Variants in ZYG11B observed in about 807,000 individuals in gnomAD.
ZYG11B encodes the protein zyg-11 family member B, cell cycle regulator.
ZYG11B carries 36 observed loss-of-function variants against 82.4 expected under a neutral mutation model. The ratio of observed to expected loss-of-function variants is 0.44; its 90% confidence interval spans 0.33 to 0.58. ZYG11B has a LOEUF of 0.58. Among genes scored for constraint, ZYG11B ranks in the 20% least tolerant of loss-of-function variants. The pLI is 0.02. For missense variants in ZYG11B, 552 were observed against 895.6 expected (o/e 0.62, Z 4.90); for synonymous variants, 303 against 312.8 (o/e 0.97, Z 0.33).
chr1:52,803,211 C>CAT lies in ZYG11B; in HGVS notation c.1695+1084_1695+1085dup, dbSNP rs1165360758. On this transcript the variant is annotated intron_variant, in intron 10 of 13. Transcript: ENST00000294353. ...ATACACATATATATATATACACACA[C>CAT]ATATATATATATACACACATATATA... Among the ~76,000 whole-genome samples the CAT allele has an allele frequency of 2.6e-4, 19 of 73,232 alleles. 1 individual carries two copies. The highest frequency in any genetic ancestry group is 5.9e-3 in the Middle Eastern group (1 of 170). 48.0% of individuals were successfully genotyped at this position (73,232 alleles called of 152,430 possible).
chr1:52,782,154 C>T (rs907651788), intron 4 of ZYG11B, among the ~76,000 whole-genome samples: 1 of 151,102 alleles, frequency 6.6e-6, no homozygotes, highest in African/African-American at 2.4e-5. Context: ...CAGCCTCGAC[C>T]TCCCTCCTGG....
chr1:52,771,811 C>T lies in ZYG11B; in HGVS notation c.951+37C>T, dbSNP rs780221412. 4 of 1,569,988 alleles carry T rather than the reference C, an allele frequency of 2.5e-6. No homozygotes were observed. In the Admixed American group the frequency reaches 5.6e-5, roughly 22 times the overall value. Reference sequence around the variant, plus strand: ...AAAATGTATTATTTTGTCAGGCTGACCAATATCTTAGTTGCATAAGACTCT... The same window carrying T: ...AAAATGTATTATTTTGTCAGGCTGATCAATATCTTAGTTGCATAAGACTCT... On this transcript the variant is annotated intron_variant, in intron 3 of 13. Coordinates refer to ENST00000294353, the MANE Select transcript of ZYG11B (RefSeq NM_024646.3). The surrounding 1 kb of genome is among the most constrained non-coding windows in gnomAD (Gnocchi z 5.4).
chr1:52,818,290 T>C (rs1645252383), intron 13 of ZYG11B, among the ~76,000 whole-genome samples: 1 of 151,868 alleles, frequency 6.6e-6, no homozygotes, highest in Admixed American at 6.6e-5. Context: ...CTGGGCAACA[T>C]GGCGAAACCT....
chr1:52,770,989 TGAA>T, intron 2 of ZYG11B, 28 bp from the exon 3 acceptor site: 5 of 1,570,946 alleles, frequency 3.2e-6, no homozygotes, highest in Admixed American at 3.7e-5. Flanking sequence ...AACTGTTTTT[TGAA>T]TTTAAAACGC....
intron 2 of ZYG11B, among the ~76,000 whole-genome samples, chr1:52,757,310 G>A (rs1644586996): frequency 6.6e-6 from 1 of 151,978 alleles, no homozygotes; most frequent in African/African-American, 2.4e-5. Context: ...ACCATGCCCA[G>A]GTGAGAAGTC....
chr1:52,813,030 C>T (rs1571800758), intron 10 of ZYG11B, among the ~76,000 whole-genome samples: 1 of 152,090 alleles, frequency 6.6e-6, no homozygotes, highest in Non-Finnish European at 1.5e-5. Context: ...CAGACTTTAC[C>T]CTACGGTTCA....
At position 52,803,077 on chromosome 1, in the gene ZYG11B, TATATATACAC is replaced by T. The variant is rs1353056244; in HGVS notation, c.1695+946_1695+955del. 8.5e-3 allele frequency among the ~76,000 whole-genome samples: 578 copies of T among 68,342 alleles called. 20 individuals carry two copies. Among genetic ancestry groups the T allele is most frequent in the African/African-American group, 0.013 (204 of 16,260 alleles). 44.8% of individuals were successfully genotyped at this position (68,342 alleles called of 152,430 possible). The stretch of plus-strand genomic sequence containing the variant: ...TTTTTTATTTTTGCCACTATATATA[TATATATACAC>T]ATATATATATACATATATATATATA... On this transcript the variant is annotated intron_variant, in intron 10 of 13. Coordinates refer to ENST00000294353, the MANE Select transcript of ZYG11B (RefSeq NM_024646.3).
intron 6 of ZYG11B, among the ~76,000 whole-genome samples, chr1:52,793,049 A>G (rs970736817): frequency 1.4e-5 from 2 of 148,052 alleles, no homozygotes; most frequent in Non-Finnish European, 3.0e-5. Flanking sequence ...CATGTTGGCC[A>G]GGCTGGTCTC....
At chr1:52,796,153 T>C in intron 6 of ZYG11B, 139 bp from the exon 7 acceptor site, 1 of 569,904 alleles carries the variant, frequency 1.8e-6, no homozygotes. Flanking sequence ...CTAAGTGTAA[T>C]TGTTACTCTC....
intron 13 of ZYG11B, among the ~76,000 whole-genome samples, chr1:52,817,775 G>GTATATATATATATATATATATA (rs1553264314): frequency 3.1e-5 from 1 of 32,568 alleles, no homozygotes; most frequent in Non-Finnish European, 6.8e-5. Context: ...GTATATATAT[G>GTATATATATATATATATATATA]TGTATATATA....
intron 1 of ZYG11B, 72 bp downstream of exon 1, chr1:52,726,755 C>T: frequency 7.3e-7 from 1 of 1,374,366 alleles, no homozygotes. Context: ...CTGGCCCCTG[C>T]GGTCTTGCCC....
At chr1:52,793,133 C>T (rs1031823328) in intron 6 of ZYG11B, among the ~76,000 whole-genome samples, 1 of 151,452 alleles carries the variant, frequency 6.6e-6, no homozygotes, top group African/African-American at 2.4e-5. Flanking sequence ...AGCCAGCACA[C>T]CCAGCCTGGA....
chr1:52,735,512 C>G (rs1244660298), intron 1 of ZYG11B, among the ~76,000 whole-genome samples: 1 of 152,010 alleles, frequency 6.6e-6, no homozygotes, highest in Non-Finnish European at 1.5e-5. Flanking sequence ...TGAGAAAAGA[C>G]TGGAGGCGTG....
intron 1 of ZYG11B, among the ~76,000 whole-genome samples, chr1:52,750,380 C>A (rs181810675): frequency 6.6e-6 from 1 of 151,812 alleles, no homozygotes; most frequent in Non-Finnish European, 1.5e-5. Flanking sequence ...TCAAGTGATT[C>A]TCCTGCCTCA....
intron 1 of ZYG11B, among the ~76,000 whole-genome samples, chr1:52,734,578 A>T (rs1644362355): frequency 6.6e-6 from 1 of 151,150 alleles, no homozygotes; most frequent in Non-Finnish European, 1.5e-5. Context: ...TGAACCTGGG[A>T]GGCGGAGGTT....
rs997377479 is a variant in ZYG11B, at chr1:52,808,737, G to C, written c.1696-4799G>C. 2.0e-5 allele frequency among the ~76,000 whole-genome samples: 3 copies of C among 152,266 alleles called. No homozygotes were observed. The East Asian group carries it at 5.8e-4, about 29-fold the overall frequency. On this transcript the variant is annotated intron_variant, in intron 10 of 13. Transcript: ENST00000294353. Reference sequence around the variant, plus strand: ...CCTTTGGAGACGCTAATTTGCACATGTTAAGCTGCTTGACATTGTCCCACA... The same window carrying C: ...CCTTTGGAGACGCTAATTTGCACATCTTAAGCTGCTTGACATTGTCCCACA...
rs1645304436 is a variant in ZYG11B at position 52,823,918 on chromosome 1, ATCAGGAGT to A, written c.*2292_*2299del. 6.6e-6 allele frequency: 1 copy of A among 151,828 alleles called. No homozygotes were observed. The highest frequency in any genetic ancestry group is 6.6e-5 in the Admixed American group (1 of 15,230). 9.4% of individuals were successfully genotyped at this position (151,828 alleles called of 1,614,324 possible). A position where few individuals can be genotyped will look rare whatever the true frequency, so the allele number is the denominator to read the frequency against. On this transcript the variant is annotated 3_prime_UTR_variant, in exon 14 of 14. Transcript: ENST00000294353. ...GGCCGAGGCGGGCAGATCACTTGAG[ATCAGGAGT>A]TCGAGACCACCCTGGCCAACGTGGT...
At chr1:52,798,135 A>G (rs79131555) in intron 8 of ZYG11B, among the ~76,000 whole-genome samples, 1 of 151,944 alleles carries the variant, frequency 6.6e-6, no homozygotes, top group Non-Finnish European at 1.5e-5. Context: ...AACAAACAAC[A>G]AAAAATTTTT....
chr1:52,790,494 G>A lies in ZYG11B; in HGVS notation c.1334+427G>A, dbSNP rs973520080. Among the ~76,000 whole-genome samples, 3 of 152,160 alleles carry A rather than the reference G, an allele frequency of 2.0e-5. No homozygotes were observed. The East Asian group carries it at 5.8e-4, about 29-fold the overall frequency. Reference sequence around the variant, plus strand: ...GCCTATAATCCCAGCGCTTTAGGAGGCCAAAGCGGGAGGATCCCCATGTCA... The same window carrying A: ...GCCTATAATCCCAGCGCTTTAGGAGACCAAAGCGGGAGGATCCCCATGTCA... On this transcript the variant is annotated intron_variant, in intron 6 of 13. Coordinates refer to ENST00000294353, the MANE Select transcript of ZYG11B (RefSeq NM_024646.3).
Sources: allele counts gnomAD v4.1 joint callset (sites outside exome capture counted in the v4.1 genomes callset), GRCh38; gene constraint gnomAD v4.1.1; non-coding constraint Gnocchi (gnomAD v3.1); transcripts MANE v1.5; gene names NCBI Gene and HGNC (gene_info 2026-07-23, HGNC 2026-07-21).